The following UNC13C variants were observed in gnomAD, a reference collection of about 807,000 sequenced individuals.
UNC13C encodes unc-13 homolog C, also known as protein unc-13 homolog C.
Under a neutral mutation model 245.4 loss-of-function variants are expected in UNC13C, and 174 were observed. The observed-to-expected ratio is 0.71, with a 90% CI of 0.63 to 0.80. The LOEUF (loss-of-function observed/expected upper bound fraction) is 0.80, where lower values mean the gene tolerates loss of function less well. UNC13C is among the 30% of genes least tolerant of loss of function. The pLI, the probability that UNC13C is intolerant of heterozygous loss-of-function variation, is 0.00. For synonymous variants in UNC13C, 992 were observed against 895.1 expected, an observed-to-expected ratio of 1.11 and a Z score of -1.93; for missense variants, 2,829 against 2,602.9, an observed-to-expected ratio of 1.09 and a Z score of -1.89.
intron 19 of UNC13C, among the ~76,000 whole-genome samples, chr15:54,475,281 TTTA>T (rs60034401): frequency 0.13 from 13,160 of 104,548 alleles, 644 homozygotes; most frequent in African/African-American, 0.19. Flanking sequence ...TGGTTTTTTG[TTTA>T]TTATTATTAT....
intron 10 of UNC13C, among the ~76,000 whole-genome samples, chr15:54,276,810 G>A (rs1475681350): frequency 6.6e-6 from 1 of 151,930 alleles, no homozygotes; most frequent in African/African-American, 2.4e-5. Flanking sequence ...TTTTGATACA[G>A]TCCTTCCAAA....
At chr15:53,881,471 C>G in the UNC13C span, among the ~76,000 whole-genome samples, 1 of 152,204 alleles carries the variant, frequency 6.6e-6, no homozygotes, top group Non-Finnish European at 1.5e-5. Flanking sequence ...CTTAAGCACA[C>G]CTCACTTTCA....
At chr15:53,850,871 C>A in the UNC13C span, among the ~76,000 whole-genome samples, 370 of 145,460 alleles carry the variant, frequency 2.5e-3, 2 homozygotes, top group African/African-American at 8.9e-3. Flanking sequence ...TTTTTCCAAC[C>A]TTTTTTTTTT....
intron 2 of UNC13C, among the ~76,000 whole-genome samples, chr15:54,040,747 G>A (rs1896775249): frequency 6.6e-6 from 1 of 152,158 alleles, no homozygotes; most frequent in Non-Finnish European, 1.5e-5. Flanking sequence ...GTGTAGAGGT[G>A]AGCACCCAGA....
chr15:53,984,389 G>A (rs1894045443), intron 1 of UNC13C, among the ~76,000 whole-genome samples: 1 of 152,008 alleles, frequency 6.6e-6, no homozygotes, highest in Admixed American at 6.6e-5. Context: ...TGTCTTATGA[G>A]ATTTCTTCTT....
Position 54,463,273 on chromosome 15 carries a change from G to GAA in UNC13C, c.4934-31335_4934-31334insAA, listed in dbSNP as rs1176166044. On this transcript the variant is annotated intron_variant, in intron 19 of 32. Coordinates refer to ENST00000260323, the MANE Select transcript of UNC13C (RefSeq NM_001080534.3). ...AATCAGTAGAATGTGGGCGGGGGGG[G>GAA]GGGGGGGGGCCGGTCAGGTAAGGGA... 2.4e-3 allele frequency among the ~76,000 whole-genome samples: 158 copies of GAA among 66,290 alleles called. 32 individuals carry two copies. The highest frequency in any genetic ancestry group is 4.1e-3 in the Non-Finnish European group (126 of 30,768). 43.5% of individuals were successfully genotyped at this position (66,290 alleles called of 152,430 possible). A position where few individuals can be genotyped will look rare whatever the true frequency, so the allele number is the denominator to read the frequency against.
the UNC13C span, among the ~76,000 whole-genome samples, chr15:53,920,801 G>C: frequency 6.7e-6 from 1 of 149,978 alleles, no homozygotes; most frequent in Admixed American, 6.7e-5. Flanking sequence ...CCTGAGGGTA[G>C]AACAGTGACC....
chr15:54,564,756 A>G (rs1189704886), intron 29 of UNC13C, among the ~76,000 whole-genome samples: 1 of 152,014 alleles, frequency 6.6e-6, no homozygotes, highest in East Asian at 1.9e-4. Flanking sequence ...TCTCTTTACC[A>G]CAGTATGCCT....
Position 54,415,040 on chromosome 15 carries a change from G to T in UNC13C, c.4906G>T (p.Ala1636Ser). ...ISAEIMWTLFALDMKYALEEH... is the reference protein window; with the variant it reads ...ISAEIMWTLFSLDMKYALEEH... ...TGCCGAAATTATGTGGACTCTTTTT[G>T]CTCTGGATATGAAATATGCATTAGA... Residue 1636 changes from alanine (A) to serine (S), a missense_variant, in exon 19 of 33, where the codon GCT (alanine) becomes TCT (serine). Coordinates refer to ENST00000260323, the MANE Select transcript of UNC13C (RefSeq NM_001080534.3). The T allele has an allele frequency of 1.2e-6, 2 of 1,611,936 alleles. No homozygotes were observed. Among genetic ancestry groups the T allele is most frequent in the African/African-American group, 2.7e-5 (2 of 74,942 alleles).
At chr15:53,854,608 T>A in the UNC13C span, among the ~76,000 whole-genome samples, 1 of 152,148 alleles carries the variant, frequency 6.6e-6, no homozygotes, top group South Asian at 2.1e-4. Flanking sequence ...TAGTTGTAGG[T>A]GTGTGGTCTT....
At chr15:54,336,783 A>T (rs2038587743) in intron 16 of UNC13C, among the ~76,000 whole-genome samples, 1 of 152,132 alleles carries the variant, frequency 6.6e-6, no homozygotes, top group Admixed American at 6.5e-5. Flanking sequence ...TAAATTGACC[A>T]TATATGTATG....
At chr15:54,298,674 G>A (rs1319168124) in intron 12 of UNC13C, among the ~76,000 whole-genome samples, 2 of 152,128 alleles carry the variant, frequency 1.3e-5, no homozygotes, top group East Asian at 3.9e-4. Flanking sequence ...CAGTAGAGAA[G>A]CACAGACAAA....
intron 31 of UNC13C, among the ~76,000 whole-genome samples, chr15:54,623,535 T>C (rs1294556385): frequency 6.6e-6 from 1 of 151,984 alleles, no homozygotes; most frequent in Non-Finnish European, 1.5e-5. Context: ...AGGAGGAGAG[T>C]GCTAACTTTT....
At chr15:54,212,091 C>A (rs768315024) in intron 4 of UNC13C, among the ~76,000 whole-genome samples, 1 of 152,076 alleles carries the variant, frequency 6.6e-6, no homozygotes, top group Admixed American at 6.6e-5. Context: ...CCAGCACTTG[C>A]TGACTGGTAC....
At chr15:54,489,018 T>C (rs988604975) in intron 19 of UNC13C, among the ~76,000 whole-genome samples, 8 of 152,150 alleles carry the variant, frequency 5.3e-5, no homozygotes, top group African/African-American at 1.9e-4. Context: ...ATTTGAACTA[T>C]ATTTTTGAAT....
At chr15:54,481,780 G>A (rs1288650484) in intron 19 of UNC13C, among the ~76,000 whole-genome samples, 1 of 151,966 alleles carries the variant, frequency 6.6e-6, no homozygotes, top group African/African-American at 2.4e-5. Flanking sequence ...GAGCAGCCCT[G>A]TCCTCATGTC....
chr15:54,113,448 T>C (rs2029969177), intron 2 of UNC13C, among the ~76,000 whole-genome samples: 1 of 152,152 alleles, frequency 6.6e-6, no homozygotes, highest in African/African-American at 2.4e-5. Flanking sequence ...TATCTGCAGC[T>C]GTAGTAGGAA....
At position 54,015,209 on chromosome 15, in the gene UNC13C, A is replaced by G; in HGVS notation, c.2306A>G (p.Asp769Gly). The change falls in exon 2 of 33, where the codon GAT (aspartate) becomes GGT (glycine). Residue 769 changes from aspartate (D) to glycine (G), a missense_variant. Physicochemically the swap from Asp to Gly is moderately conservative, Grantham distance 94. Coordinates refer to ENST00000260323, the MANE Select transcript of UNC13C (RefSeq NM_001080534.3). ...CGAAGTCAAAGTGAATTGCAAAGTG[A>G]TGATTCAGAGGATGCCCCACCCAAA... ...MYRSQSELQS[D>G]DSEDAPPKSW... The G allele has an allele frequency of 6.2e-7, 1 of 1,613,294 alleles. No individual in the cohort carries two copies. Among genetic ancestry groups the G allele is most frequent in the Non-Finnish European group, 8.5e-7 (1 of 1,179,652 alleles).
intron 2 of UNC13C, among the ~76,000 whole-genome samples, chr15:54,099,659 G>A (rs915531765): frequency 2.6e-5 from 4 of 151,930 alleles, no homozygotes; most frequent in South Asian, 2.1e-4. Context: ...ATCTGTACTC[G>A]AATATTCCCC....
Sources: allele counts gnomAD v4.1 joint callset (sites outside exome capture counted in the v4.1 genomes callset), GRCh38; gene constraint gnomAD v4.1.1; transcripts MANE v1.5; gene names NCBI Gene and HGNC (gene_info 2026-07-23, HGNC 2026-07-21).